CEP70: variants seen among roughly 807,000 people sequenced by gnomAD.
CEP70 encodes the protein centrosomal protein of 70 kDa.
In CEP70, 70 loss-of-function variants were observed where a neutral mutation model predicts 90.9. That is an observed-to-expected ratio of 0.77 (90% CI 0.64 to 0.94). The LOEUF is 0.94. CEP70 is among the 40% of genes least tolerant of loss of function. The pLI, the probability that CEP70 is intolerant of heterozygous loss-of-function variation, is 0.00. For synonymous variants in CEP70, 220 were observed against 228.3 expected (o/e 0.96, Z 0.33); for missense variants, 648 against 669.0 (o/e 0.97, Z 0.35).
intron 6 of CEP70, among the ~76,000 whole-genome samples, chr3:138,563,151 A>C (rs2040530767): frequency 6.6e-6 from 1 of 152,188 alleles, no homozygotes; most frequent in Non-Finnish European, 1.5e-5. Flanking sequence ...AGAGCTAACT[A>C]TCCTAAATAT....
intron 17 of CEP70, chr3:138,496,270 C>T (rs1346312376): frequency 3.0e-6 from 3 of 985,324 alleles, no homozygotes; most frequent in Middle Eastern, 5.2e-4. Flanking sequence ...GGTTGCTCTT[C>T]ACTTAGCCTA....
At chr3:138,556,233 G>A (rs1416473709) in intron 6 of CEP70, among the ~76,000 whole-genome samples, 1 of 152,142 alleles carries the variant, frequency 6.6e-6, no homozygotes, top group Non-Finnish European at 1.5e-5. Context: ...GCAAAGGCAT[G>A]AGAAAGATAC....
intron 2 of CEP70, among the ~76,000 whole-genome samples, chr3:138,580,329 C>T (rs1257552433): frequency 2.0e-5 from 3 of 152,140 alleles, no homozygotes; most frequent in Non-Finnish European, 2.9e-5. Flanking sequence ...CAGAGAGACT[C>T]CATTTGTTTC....
intron 2 of CEP70, among the ~76,000 whole-genome samples, chr3:138,580,469 C>G (rs1000664074): frequency 2.0e-5 from 3 of 152,300 alleles, no homozygotes; most frequent in Admixed American, 2.0e-4. Context: ...CTTGGGGTAT[C>G]CTGTAACTCA....
intron 16 of CEP70, chr3:138,499,779 T>TA (rs1341695947): frequency 1.3e-5 from 2 of 159,488 alleles, no homozygotes; most frequent in African/African-American, 1.1e-4. Flanking sequence ...TCTATCTCTC[T>TA]CTCTACACAC....
intron 11 of CEP70, among the ~76,000 whole-genome samples, chr3:138,510,515 T>C (rs775275229): frequency 6.6e-6 from 1 of 151,866 alleles, no homozygotes; most frequent in Non-Finnish European, 1.5e-5. Context: ...ATTTAGCACA[T>C]AAAAAAATGA....
chr3:138,562,015 G>A (rs1305816398), intron 6 of CEP70, among the ~76,000 whole-genome samples: 8 of 114,226 alleles, frequency 7.0e-5, no homozygotes, highest in African/African-American at 1.3e-4. Flanking sequence ...AATGCAAGAC[G>A]CCGTCTCAAA....
At chr3:138,515,752 C>T (rs191141211) in intron 11 of CEP70, among the ~76,000 whole-genome samples, 18 of 152,220 alleles carry the variant, frequency 1.2e-4, no homozygotes. Flanking sequence ...TAAGTGCATA[C>T]ACATGTGTAC....
intron 11 of CEP70, among the ~76,000 whole-genome samples, chr3:138,525,089 A>C (rs1315543186): frequency 2.6e-5 from 4 of 152,150 alleles, no homozygotes; most frequent in Non-Finnish European, 4.4e-5. Context: ...CAGCCATAAA[A>C]AATGATGAGT....
In CEP70 at chr3:138,571,022, C is replaced by G. The variant is rs779611668; in HGVS notation, c.284+12G>C. On this transcript the variant is annotated intron_variant, in intron 5 of 17. Transcript: ENST00000264982. ...ACAAACAATTCAAAAGAAATCTTTT[C>G]CATTTTCTCACCTAAGCTGTTGATT... 8.6e-6 allele frequency: 13 copies of G among 1,519,794 alleles called. No individual in the cohort carries two copies. The highest frequency in any genetic ancestry group is 1.9e-4 in the Middle Eastern group (1 of 5,398). 94.1% of individuals were successfully genotyped at this position (1,519,794 alleles called of 1,614,324 possible).
chr3:138,526,312 C>T (rs1002836656), intron 10 of CEP70, among the ~76,000 whole-genome samples: 14 of 152,086 alleles, frequency 9.2e-5, no homozygotes, highest in African/African-American at 3.4e-4. Flanking sequence ...CGATGCGTAC[C>T]ACCACACCGG....
At chr3:138,495,652 G>C (rs34607531) in intron 17 of CEP70, among the ~76,000 whole-genome samples, 8,652 of 152,206 alleles carry the variant, frequency 0.057, 594 homozygotes, top group East Asian at 0.38. Flanking sequence ...AGGAGTTTAA[G>C]ACCAGCCTGG....
chr3:138,498,199 A>G, intron 16 of CEP70, 89 bp from the exon 17 acceptor site: 1 of 835,132 alleles, frequency 1.2e-6, no homozygotes, highest in Non-Finnish European at 1.9e-6. Context: ...AATAGAAACT[A>G]TATTGCTAAT....
intron 11 of CEP70, among the ~76,000 whole-genome samples, chr3:138,522,388 GA>G (rs1277985658): frequency 6.6e-5 from 10 of 150,656 alleles, no homozygotes; most frequent in Non-Finnish European, 1.2e-4. Context: ...AGAACTGAAG[GA>G]AATAGAGACA....
intron 17 of CEP70, chr3:138,497,185 T>A: frequency 8.4e-7 from 1 of 1,189,250 alleles, no homozygotes; most frequent in Non-Finnish European, 1.1e-6. Flanking sequence ...ATAAGACTGG[T>A]CACAAAACTT....
At chr3:138,545,502 A>G (rs1051992535) in intron 6 of CEP70, among the ~76,000 whole-genome samples, 2 of 152,202 alleles carry the variant, frequency 1.3e-5, no homozygotes, top group Non-Finnish European at 2.9e-5. Flanking sequence ...TGTTTGAACA[A>G]TATGAAATCA....
chr3:138,542,505 T>C (rs542015748), intron 6 of CEP70, among the ~76,000 whole-genome samples: 1 of 152,340 alleles, frequency 6.6e-6, no homozygotes, highest in African/African-American at 2.4e-5. Flanking sequence ...GTGTTACAGC[T>C]GTTTCAGTCC....
At chr3:138,563,887 A>G (rs952359373) in intron 6 of CEP70, among the ~76,000 whole-genome samples, 1 of 152,118 alleles carries the variant, frequency 6.6e-6, no homozygotes, top group Non-Finnish European at 1.5e-5. Flanking sequence ...AAAACTCTTC[A>G]AAAAAATCAA....
intron 13 of CEP70, 147 bp from the exon 14 acceptor site, chr3:138,501,028 T>C (rs1036344944): frequency 6.6e-6 from 2 of 304,302 alleles, no homozygotes; most frequent in Non-Finnish European, 1.1e-5. Context: ...TAAAAAAATA[T>C]ATATGTAACC....
Sources: gnomAD v4.1 joint callset for allele counts (sites outside exome capture counted in the v4.1 genomes callset) on GRCh38, gnomAD v4.1.1 for gene constraint, MANE v1.5 for transcripts, NCBI Gene and HGNC (gene_info 2026-07-23, HGNC 2026-07-21) for gene names.